The following PTCH1 variants were observed in gnomAD, a reference collection of about 807,000 sequenced individuals.
PTCH1 encodes protein patched homolog 1.
PTCH1 carries 14 observed loss-of-function variants against 144.6 expected under a neutral mutation model. The observed-to-expected ratio is 0.10, with a 90% CI of 0.06 to 0.15. PTCH1 has a LOEUF of 0.15. Among genes scored for constraint, PTCH1 ranks in the 10% least tolerant of loss-of-function variants. The probability of loss-of-function intolerance (pLI) is 1.00; values close to 1 mark genes in which losing one functional copy is unlikely to be tolerated. For missense variants in PTCH1, 1,623 were observed against 1,948.3 expected, an observed-to-expected ratio of 0.83 and a Z score of 3.14; for synonymous variants, 833 against 793.6, an observed-to-expected ratio of 1.05 and a Z score of -0.83.
At chr9:95,506,285 CG>C in intron 2 of PTCH1, 121 bp downstream of exon 2, 1 of 1,165,154 alleles carries the variant, frequency 8.6e-7, no homozygotes. Flanking sequence ...AACAATCCCC[CG>C]GGTGCGGGCA....
chr9:95,492,032 T>C (rs1272977385), intron 2 of PTCH1, among the ~76,000 whole-genome samples: 1 of 152,200 alleles, frequency 6.6e-6, no homozygotes, highest in Non-Finnish European at 1.5e-5. Flanking sequence ...CTATTGTTAA[T>C]GAGGCCGGTG....
Position 95,508,407 on chromosome 9 carries a change from G to C in PTCH1, c.-46C>G. The C allele has an allele frequency of 9.3e-7, 1 of 1,073,312 alleles. No homozygotes were observed. Among genetic ancestry groups the C allele is most frequent in the South Asian group, 4.3e-5 (1 of 23,062 alleles). 66.5% of individuals were successfully genotyped at this position (1,073,312 alleles called of 1,614,324 possible). On this transcript the variant is annotated 5_prime_UTR_variant, in exon 1 of 24. Transcript: ENST00000331920. ...CGCCGCGGGGACGGAGGCTTCCCGG[G>C]CGGCCCGGCGCGCTGCTGCCGCTGC...
chr9:95,460,372 C>T (rs949041426), intron 16 of PTCH1, among the ~76,000 whole-genome samples: 1 of 152,160 alleles, frequency 6.6e-6, no homozygotes, highest in African/African-American at 2.4e-5. Context: ...CTCCGCACGC[C>T]GCGTCCTCTG....
At position 95,508,340 on chromosome 9, in the gene PTCH1, C is replaced by A. The variant is rs2118910390; in HGVS notation, c.22G>T (p.Ala8Ser). The change falls in exon 1 of 24, where the codon GCC becomes TCC. Residue 8 changes from alanine (A) to serine (S), a missense_variant. Transcript: ENST00000331920. ...CCGCCGCCGCGGTCCTGGGGCTCGGCGGCGTTACCAGCCGAGGCCATGTTG... is the reference window on the plus strand; with the variant it reads ...CCGCCGCCGCGGTCCTGGGGCTCGGAGGCGTTACCAGCCGAGGCCATGTTG... MASAGNA[A>S]EPQDRGGGGS... is the part of the protein sequence containing the mutation. The A allele has an allele frequency of 7.9e-7, 1 of 1,262,502 alleles. No homozygotes were observed. The highest frequency in any genetic ancestry group is 2.8e-5 in the South Asian group (1 of 35,328). 78.2% of individuals were successfully genotyped at this position (1,262,502 alleles called of 1,614,324 possible).
rs1417061819 is a variant in PTCH1, at chr9:95,468,778, A to C, written c.2223T>G (p.Ala741=). The C allele has an allele frequency of 6.2e-7, 1 of 1,614,172 alleles. No homozygotes were observed. Reference sequence around the variant, plus strand: ...TGGCTTTTGGTTTCAAGAGGAAAGGAGCATAGTGCTTCTCAGCAAAAGATG... The same window carrying C: ...TGGCTTTTGGTTTCAAGAGGAAAGGCGCATAGTGCTTCTCAGCAAAAGATG... ...TLSSFAEKHY[A]PFLLKPKAKV... The change falls in exon 14 of 24, where the codon GCT becomes GCG. Residue 741 remains alanine (A), a synonymous_variant. Coordinates refer to ENST00000331920, the MANE Select transcript of PTCH1 (RefSeq NM_000264.5).
chr9:95,514,539 T>C (rs1303800461), intron 1 of PTCH1: 1 of 152,176 alleles, frequency 6.6e-6, no homozygotes, highest in Non-Finnish European at 1.5e-5. Context: ...CTTTCTTTCA[T>C]ACTGCTAATC....
At chr9:95,457,628 T>G (rs1839055650) in intron 18 of PTCH1, among the ~76,000 whole-genome samples, 1 of 152,210 alleles carries the variant, frequency 6.6e-6, no homozygotes, top group Non-Finnish European at 1.5e-5. Flanking sequence ...TGTCCCTTCA[T>G]GTTAAATGCA....
At position 95,476,404 on chromosome 9, in the gene PTCH1, C is replaced by T. The variant is rs900027209; in HGVS notation, c.1603-245G>A. ...AGAAAGCTGCAAGATAATGACTTAA[C>T]GCTTAAGTATAATTTTAAAAGGGAG... On this transcript the variant is annotated intron_variant, in intron 11 of 23. Coordinates refer to ENST00000331920, the MANE Select transcript of PTCH1 (RefSeq NM_000264.5). This position sits in a 1 kb window ranked among gnomAD's most constrained non-coding sequence, Gnocchi z 4.6. Among the ~76,000 whole-genome samples, 6 of 152,244 alleles carry T rather than the reference C, an allele frequency of 3.9e-5. No individual in the cohort carries two copies. Among genetic ancestry groups the T allele is most frequent in the Non-Finnish European group, 7.3e-5 (5 of 68,038 alleles).
rs1302793014 is a variant in PTCH1 at position 95,508,677 on chromosome 9, C to T, written c.-316G>A. On this transcript the variant is annotated 5_prime_UTR_variant, in exon 1 of 24. Coordinates refer to ENST00000331920, the MANE Select transcript of PTCH1 (RefSeq NM_000264.5). ...CATCCAGTTCGCGGAAGAGCGAGAG[C>T]CGGCGCGCCGAGCGAGCCTGTCCTT... 5 of 987,624 alleles carry T rather than the reference C, an allele frequency of 5.1e-6. No individual in the cohort carries two copies. The highest frequency in any genetic ancestry group is 4.8e-6 in the Non-Finnish European group (4 of 831,550). 61.2% of individuals were successfully genotyped at this position (987,624 alleles called of 1,614,324 possible). A position where few individuals can be genotyped will look rare whatever the true frequency, so the allele number is the denominator to read the frequency against.
chr9:95,507,174 T>C lies in PTCH1; in HGVS notation c.202-575A>G, dbSNP rs928380144. 3.8e-5 allele frequency: 37 copies of C among 985,092 alleles called. 1 individual carries two copies. In the Admixed American group the frequency reaches 1.8e-3, roughly 49 times the overall value. 61.0% of individuals were successfully genotyped at this position (985,092 alleles called of 1,614,324 possible). On this transcript the variant is annotated intron_variant, in intron 1 of 23. Transcript: ENST00000331920. ...TCACTCCCGACGCATTTCCATAGCG[T>C]GGGGAGAGGCTGTGTGAGCTGAATT...
chr9:95,480,801 G>A (rs956837906), intron 5 of PTCH1, among the ~76,000 whole-genome samples: 1 of 152,172 alleles, frequency 6.6e-6, no homozygotes, highest in African/African-American at 2.4e-5. Flanking sequence ...GCTAAGCAGA[G>A]AGAGGACTCA....
chr9:95,469,848 C>T lies in PTCH1; in HGVS notation c.1812G>A (p.Glu604=), dbSNP rs1564035792. 2 of 1,614,066 alleles carry T rather than the reference C, an allele frequency of 1.2e-6. No individual in the cohort carries two copies. Among genetic ancestry groups the T allele is most frequent in the Non-Finnish European group, 1.7e-6 (2 of 1,179,964 alleles). ...AGCAGAAAATATCCAGTCTCCTGTC[C>T]TCGCGTCGATATAAATCCATGCTGA... The part of the protein sequence containing the change: ...AILSMDLYRR[E]DRRLDIFCCF... The change falls in exon 13 of 24, where the codon GAG becomes GAA. Residue 604 remains glutamate, a synonymous_variant. Coordinates refer to ENST00000331920, the MANE Select transcript of PTCH1 (RefSeq NM_000264.5).
chr9:95,454,087 C>T (rs1479212310), intron 19 of PTCH1, among the ~76,000 whole-genome samples: 1 of 152,204 alleles, frequency 6.6e-6, no homozygotes, highest in Non-Finnish European at 1.5e-5. Flanking sequence ...GTCACTGTTT[C>T]AGGCTATGTT....
At chr9:95,483,505 G>A (rs1841732938) in intron 3 of PTCH1, 1 of 151,766 alleles carries the variant, frequency 6.6e-6, no homozygotes, top group Non-Finnish European at 1.5e-5. Context: ...TTCACCCAAG[G>A]AGCTTACTGT....
At chr9:95,492,919 CAG>C (rs1318303602) in intron 2 of PTCH1, among the ~76,000 whole-genome samples, 2 of 152,122 alleles carry the variant, frequency 1.3e-5, no homozygotes, top group African/African-American at 4.8e-5. Context: ...TGAAGGCACA[CAG>C]AGAACATGCA....
chr9:95,476,627 G>T lies in PTCH1; in HGVS notation c.1602+132C>A. On this transcript the variant is annotated intron_variant, in intron 11 of 23. Transcript: ENST00000331920. This position sits in a 1 kb window ranked among gnomAD's most constrained non-coding sequence, Gnocchi z 4.6. ...TTCCAGCTTATTTCATTGACTGGCA[G>T]CCAGTGACACATCATCTGACATGGG... is the stretch of plus-strand genomic sequence containing the variant. 1 of 871,142 alleles carries T rather than the reference G, an allele frequency of 1.1e-6. No homozygotes were observed. The highest frequency in any genetic ancestry group is 1.9e-6 in the Non-Finnish European group (1 of 531,304). 54.0% of individuals were successfully genotyped at this position (871,142 alleles called of 1,614,324 possible).
chr9:95,507,957 C>T, intron 1 of PTCH1: 4 of 1,470,648 alleles, frequency 2.7e-6, no homozygotes, highest in Middle Eastern at 2.4e-4. Flanking sequence ...GGACCTCAGA[C>T]AGCCCTTTCC....
chr9:95,511,085 C>G (rs939520261), upstream of PTCH1, among the ~76,000 whole-genome samples: 2 of 149,808 alleles, frequency 1.3e-5, no homozygotes, highest in African/African-American at 2.4e-5. Flanking sequence ...CGCGACCGGC[C>G]AATGGTCGCG....
At chr9:95,470,031 C>A in intron 12 of PTCH1, 100 bp from the exon 13 acceptor site, 1 of 925,034 alleles carries the variant, frequency 1.1e-6, no homozygotes, top group Non-Finnish European at 1.8e-6. Flanking sequence ...TTTTTCTTTC[C>A]CTTTCCTCTT....
Sources: gnomAD v4.1 joint callset for allele counts (sites outside exome capture counted in the v4.1 genomes callset) on GRCh38, gnomAD v4.1.1 for gene constraint, Gnocchi (gnomAD v3.1) non-coding constraint, MANE v1.5 for transcripts, NCBI Gene and HGNC (gene_info 2026-07-23, HGNC 2026-07-21) for gene names.